Variants in COG5 observed in about 807,000 individuals in gnomAD.
The protein encoded by COG5 is component of oligomeric golgi complex 5, also known as conserved oligomeric Golgi complex subunit 5.
In COG5, 86 loss-of-function variants were observed where a neutral mutation model predicts 110.4. That is an observed-to-expected ratio of 0.78 (90% confidence interval 0.65 to 0.93). The LOEUF is 0.93. Ranked by LOEUF, COG5 falls within the 40% of genes least tolerant of loss-of-function variation. The pLI is 0.00. For missense variants in COG5, 1,077 were observed against 987.0 expected, an observed-to-expected ratio of 1.09 and a Z score of -1.22; for synonymous variants, 360 against 334.6, an observed-to-expected ratio of 1.08 and a Z score of -0.83.
intron 7 of COG5, among the ~76,000 whole-genome samples, chr7:107,375,373 T>G (rs2129051094): frequency 6.6e-6 from 1 of 152,176 alleles, no homozygotes; most frequent in Middle Eastern, 3.4e-3. Context: ...TATGCATTTC[T>G]GTAGGCAAAA....
intron 19 of COG5, among the ~76,000 whole-genome samples, chr7:107,219,673 G>A (rs1799766458): frequency 6.6e-6 from 1 of 152,152 alleles, no homozygotes; most frequent in Non-Finnish European, 1.5e-5. Context: ...AGTTACCAGA[G>A]GCTAAGGGGG....
intron 10 of COG5, among the ~76,000 whole-genome samples, chr7:107,349,716 C>T (rs180857058): frequency 6.6e-6 from 1 of 152,298 alleles, no homozygotes; most frequent in Non-Finnish European, 1.5e-5. Flanking sequence ...GGCCACCACG[C>T]CCGGCTAATT....
At chr7:107,295,066 CATATATATATATATATAT>C (rs1186377118) in intron 12 of COG5, among the ~76,000 whole-genome samples, 31 of 45,846 alleles carry the variant, frequency 6.8e-4, no homozygotes, top group African/African-American at 2.5e-3. Flanking sequence ...CACACACACA[CATATATATATATATATAT>C]ATATATATAT....
intron 6 of COG5, among the ~76,000 whole-genome samples, chr7:107,434,745 C>G (rs113696379): frequency 6.6e-6 from 1 of 151,732 alleles, no homozygotes; most frequent in East Asian, 1.9e-4. Context: ...CCAAGGTGGG[C>G]GGATCACTAG....
rs779281856 is a variant in COG5 at position 107,548,100 on chromosome 7, T to A, written c.417+11A>T. 5 of 1,606,892 alleles carry A rather than the reference T, an allele frequency of 3.1e-6. No individual in the cohort carries two copies. The South Asian group carries it at 5.5e-5, about 18-fold the overall frequency. ...ATAATAAAGTATAAAGAAATAAAAG[T>A]AAGAAACTACCTGAAGTCTTGCTAG... On this transcript the variant is annotated intron_variant, in intron 5 of 21. Coordinates refer to ENST00000297135, the MANE Select transcript of COG5 (RefSeq NM_006348.5).
At chr7:107,275,942 C>A (rs1252844006) in intron 14 of COG5, among the ~76,000 whole-genome samples, 1 of 152,062 alleles carries the variant, frequency 6.6e-6, no homozygotes, top group African/African-American at 2.4e-5. Flanking sequence ...AAGTCTCCAA[C>A]TTATAAAATT....
intron 6 of COG5, among the ~76,000 whole-genome samples, chr7:107,504,083 G>A (rs1798811131): frequency 6.6e-6 from 1 of 152,098 alleles, no homozygotes; most frequent in Non-Finnish European, 1.5e-5. Context: ...CCAGTTCTCA[G>A]GGGGAAGGCT....
chr7:107,246,793 T>C (rs950560587), intron 17 of COG5, among the ~76,000 whole-genome samples: 3 of 152,168 alleles, frequency 2.0e-5, no homozygotes, highest in African/African-American at 7.2e-5. Context: ...AGTTCAACCA[T>C]TGTGGAAGGC....
intron 6 of COG5, among the ~76,000 whole-genome samples, chr7:107,441,275 A>AG (rs1286360247): frequency 6.6e-6 from 1 of 151,494 alleles, no homozygotes; most frequent in East Asian, 1.9e-4. Context: ...AAAAAAAAAA[A>AG]AAGAATTACC....
At position 107,277,435 on chromosome 7, in the gene COG5, T is replaced by TA. The variant is rs534458607; in HGVS notation, c.1575+3864dup. On this transcript the variant is annotated intron_variant, in intron 14 of 21. Coordinates refer to ENST00000297135, the MANE Select transcript of COG5 (RefSeq NM_006348.5). ...CCATGGCTTCAGGCTGCTAAAAGCC[T>TA]AAAAAAAACAAGAGAACAACAACAG... Among the ~76,000 whole-genome samples, 10 of 151,860 alleles carry TA rather than the reference T, an allele frequency of 6.6e-5. No homozygotes were observed. In the East Asian group the frequency reaches 1.2e-3, roughly 18 times the overall value.
intron 10 of COG5, among the ~76,000 whole-genome samples, chr7:107,336,421 T>C (rs1400808507): frequency 2.0e-5 from 3 of 152,176 alleles, no homozygotes; most frequent in South Asian, 2.1e-4. Flanking sequence ...AAGGGGCTGA[T>C]TGATGACTAC....
intron 6 of COG5, among the ~76,000 whole-genome samples, chr7:107,414,337 G>C (rs868098881): frequency 4.6e-5 from 7 of 151,312 alleles, no homozygotes; most frequent in Middle Eastern, 3.4e-3. Context: ...ATATACCACA[G>C]TGATGTAGCA....
chr7:107,440,388 TAAA>T (rs537133593), intron 6 of COG5, among the ~76,000 whole-genome samples: 3 of 145,196 alleles, frequency 2.1e-5, no homozygotes, highest in Non-Finnish European at 4.6e-5. Context: ...TTTTCTTGGT[TAAA>T]AAAAAAAAGC....
intron 9 of COG5, 74 bp from the exon 10 acceptor site, chr7:107,362,184 T>C (rs1456803245): frequency 3.0e-6 from 4 of 1,333,956 alleles, no homozygotes; most frequent in African/African-American, 1.5e-5. Context: ...TTACGTACAT[T>C]ATCATCAGCT....
chr7:107,532,244 A>G (rs1801266770), intron 5 of COG5, among the ~76,000 whole-genome samples: 2 of 152,020 alleles, frequency 1.3e-5, no homozygotes, highest in South Asian at 2.1e-4. Flanking sequence ...TTTAGTAGAG[A>G]TGGGGTTTCA....
At chr7:107,331,366 G>A (rs1047662382) in intron 10 of COG5, among the ~76,000 whole-genome samples, 1 of 152,036 alleles carries the variant, frequency 6.6e-6, no homozygotes, top group Admixed American at 6.6e-5. Context: ...TACTCAGGAG[G>A]CTGAGGCAGG....
At chr7:107,357,124 A>C (rs566608571) in intron 10 of COG5, among the ~76,000 whole-genome samples, 1 of 152,318 alleles carries the variant, frequency 6.6e-6, no homozygotes, top group South Asian at 2.1e-4. Flanking sequence ...GCCAATGATA[A>C]TTATCTTAAC....
At chr7:107,472,535 C>T (rs1796698796) in intron 6 of COG5, 1 of 151,882 alleles carries the variant, frequency 6.6e-6, no homozygotes, top group South Asian at 2.1e-4. Flanking sequence ...ATAAATCTAA[C>T]TGATGTGACA....
chr7:107,559,769 A>T (rs76867070), intron 1 of COG5, among the ~76,000 whole-genome samples: 437 of 152,320 alleles, frequency 2.9e-3, no homozygotes, highest in African/African-American at 1.0e-2. Context: ...CAGACAAATG[A>T]AAAAAGCCAT....
Sources: gnomAD v4.1 joint callset for allele counts (sites outside exome capture counted in the v4.1 genomes callset) on GRCh38, gnomAD v4.1.1 for gene constraint, MANE v1.5 for transcripts, NCBI Gene and HGNC (gene_info 2026-07-23, HGNC 2026-07-21) for gene names.